CLEC12A: variants seen among roughly 807,000 people sequenced by gnomAD.
CLEC12A encodes the protein C-type lectin protein CLL-1.
CLEC12A carries 22 observed loss-of-function variants against 26.5 expected under a neutral mutation model. The observed-to-expected ratio is 0.83, with a 90% confidence interval of 0.59 to 1.19. CLEC12A has a LOEUF of 1.19. Ranked by LOEUF, CLEC12A falls within the 50% of genes most tolerant of loss-of-function variation. The pLI is 0.00. For synonymous variants in CLEC12A, 119 were observed against 101.9 expected (o/e 1.17, Z -1.01); for missense variants, 353 against 315.6 (o/e 1.12, Z -0.90).
At chr12:9,996,249 C>T (rs2137239750), downstream of CLEC12A, among the ~76,000 whole-genome samples, 3 of 152,082 alleles carry the variant, frequency 2.0e-5, no homozygotes, top group East Asian at 5.8e-4. Context: ...TATATACTTC[C>T]CAATAGGAAC....
chr12:10,004,649 G>A, the CLEC12A span, among the ~76,000 whole-genome samples: 2 of 152,144 alleles, frequency 1.3e-5, no homozygotes, highest in African/African-American at 4.8e-5. Context: ...TAGGGGGCAT[G>A]GCAGGCCAAA....
At chr12:9,992,195 G>A (rs1029568772) in intron 4 of CLEC12A, 1 of 152,072 alleles carries the variant, frequency 6.6e-6, no homozygotes, top group Non-Finnish European at 1.5e-5. Context: ...ATAAAGCACA[G>A]AACTGTTAGG....
upstream of CLEC12A, among the ~76,000 whole-genome samples, chr12:9,969,596 G>A (rs144330048): frequency 5.8e-4 from 89 of 152,146 alleles, no homozygotes; most frequent in African/African-American, 2.0e-3. Context: ...TTTACAGTTC[G>A]TCATATACGC....
Position 9,980,583 on chromosome 12 carries a change from GCA to G in CLEC12A, c.384_385del (p.His128GlnfsTer3). 3 of 1,611,788 alleles carry G rather than the reference GCA, an allele frequency of 1.9e-6. No homozygotes were observed. Among genetic ancestry groups the G allele is most frequent in the Non-Finnish European group, 2.5e-6 (3 of 1,179,070 alleles). On this transcript the variant is annotated frameshift_variant and splice_region_variant, in exon 4 of 6. Transcript: ENST00000304361. LOFTEE classifies it high-confidence loss of function. Reference protein sequence around the residue: ...CRELYSKEQEHKCKPCPRRWI... With the variant: ...CRELYSKEQEXKCKPCPRRWI... ...AATAAAACTATGTTCTTCTTCCAGAGCACAAATGTAAGCCTTGTCCAAGGAGA... is the reference window on the plus strand; with the variant it reads ...AATAAAACTATGTTCTTCTTCCAGAGCAAATGTAAGCCTTGTCCAAGGAGA...
At chr12:9,987,998 G>A (rs1171232995), downstream of CLEC12A, among the ~76,000 whole-genome samples, 1 of 152,086 alleles carries the variant, frequency 6.6e-6, no homozygotes, top group African/African-American at 2.4e-5. Context: ...TTGGGCTGTG[G>A]ACTGTTGAGT....
At chr12:9,961,439 A>G (rs1395342109) in intron 1 of CLEC12A, among the ~76,000 whole-genome samples, 1 of 152,150 alleles carries the variant, frequency 6.6e-6, no homozygotes, top group Non-Finnish European at 1.5e-5. Flanking sequence ...CTTCCTCACT[A>G]TATAACCTCC....
At chr12:10,004,768 AAT>A in the CLEC12A span, among the ~76,000 whole-genome samples, 1 of 151,434 alleles carries the variant, frequency 6.6e-6, no homozygotes. Context: ...CTTCTTTATA[AAT>A]ATATATATAT....
Position 9,965,486 on chromosome 12 carries a change from G to C in CLEC12A, c.11-6091G>C, listed in dbSNP as rs553046756. Among the ~76,000 whole-genome samples, 15 of 150,730 alleles carry C rather than the reference G, an allele frequency of 1.0e-4. 1 individual carries two copies. In the East Asian group the frequency reaches 2.0e-3, roughly 20 times the overall value. On this transcript the variant is annotated intron_variant, in intron 1 of 6. Transcript: ENST00000355690. ...ATTTGCTGAGTCTGATGGGTGTCAG[G>C]GTCAGTCCAAGTGAAAGTGAAGAGA...
intron 3 of CLEC12A, 140 bp from the exon 4 acceptor site, chr12:9,980,442 A>T (rs992773546): frequency 4.2e-6 from 4 of 946,784 alleles, no homozygotes; most frequent in Non-Finnish European, 6.1e-6. Flanking sequence ...TGTCAAAAAA[A>T]AAAAAAGGGG....
intron 1 of CLEC12A, among the ~76,000 whole-genome samples, chr12:9,975,983 C>T (rs1378865721): frequency 1.3e-5 from 2 of 152,192 alleles, no homozygotes; most frequent in African/African-American, 4.8e-5. Flanking sequence ...GGTGTTGAGC[C>T]TTTGAGTGCA....
chr12:9,986,153 G>A (rs1386112419), downstream of CLEC12A: 1 of 454,786 alleles, frequency 2.2e-6, no homozygotes, highest in Non-Finnish European at 4.4e-6. Context: ...CATGATTTGG[G>A]TTTTCCTGGA....
At chr12:9,998,921 C>T (rs1015720243), downstream of CLEC12A, 29 of 630,368 alleles carry the variant, frequency 4.6e-5, no homozygotes, top group African/African-American at 5.0e-4. Flanking sequence ...AGAGCATTAA[C>T]ATCATTCAAG....
downstream of CLEC12A, chr12:9,986,224 G>C (rs756290333): frequency 3.5e-5 from 15 of 424,904 alleles, no homozygotes; most frequent in South Asian, 9.9e-5. Context: ...CAATTTGTGC[G>C]TCAGAACAGA....
At chr12:9,998,888 T>C, downstream of CLEC12A, 2 of 538,496 alleles carry the variant, frequency 3.7e-6, no homozygotes. Context: ...TATGAGCTTA[T>C]GAAAACACTA....
rs766360681 is a variant in CLEC12A at position 9,993,109 on chromosome 12, C to T, written n.1005-1909C>T. On this transcript the variant is annotated intron_variant and non_coding_transcript_variant, in intron 4 of 4. Transcript: ENST00000449959. ...ACATATCTTTTATTGTACAATAAAG[C>T]CCTTATCTGTGTTATCCTGTCCACC... 1.4e-5 allele frequency: 22 copies of T among 1,584,376 alleles called. No homozygotes were observed. The African/African-American group carries it at 2.3e-4, about 16-fold the overall frequency.
At chr12:9,981,545 A>G (rs1864558610) in intron 4 of CLEC12A, among the ~76,000 whole-genome samples, 1 of 152,186 alleles carries the variant, frequency 6.6e-6, no homozygotes, top group Admixed American at 6.5e-5. Context: ...AAAATTTTTA[A>G]AGGCTAGAAT....
chr12:9,981,832 A>G (rs1157252034), intron 4 of CLEC12A, among the ~76,000 whole-genome samples, 188 bp from the exon 5 acceptor site: 1 of 152,164 alleles, frequency 6.6e-6, no homozygotes, highest in Non-Finnish European at 1.5e-5. Context: ...CAGCAATGAT[A>G]TTGTTAAAAA....
At chr12:9,990,123 AG>A (rs1864859546), downstream of CLEC12A, among the ~76,000 whole-genome samples, 1 of 152,136 alleles carries the variant, frequency 6.6e-6, no homozygotes, top group African/African-American at 2.4e-5. Flanking sequence ...ATGTACCGGG[AG>A]GTTAATGTTT....
chr12:9,985,065 G>T lies in CLEC12A; in HGVS notation c.*39G>T. The stretch of plus-strand genomic sequence containing the variant: ...TACATTTAAGGAGTGTAGGGGGTGG[G>T]GGTTCTAGGCTATAGGTAAATTTAA... On this transcript the variant is annotated 3_prime_UTR_variant, in exon 6 of 6. Transcript: ENST00000304361. The T allele has an allele frequency of 1.4e-6, 2 of 1,389,992 alleles. No homozygotes were observed. The highest frequency in any genetic ancestry group is 9.3e-7 in the Non-Finnish European group (1 of 1,072,736). 86.1% of individuals were successfully genotyped at this position (1,389,992 alleles called of 1,614,324 possible).
Sources: gnomAD v4.1 joint callset for allele counts (sites outside exome capture counted in the v4.1 genomes callset) on GRCh38, gnomAD v4.1.1 for gene constraint, MANE v1.5 for transcripts, NCBI Gene and HGNC (gene_info 2026-07-23, HGNC 2026-07-21) for gene names.